Variants in PAX3 observed in about 807,000 individuals in gnomAD.
PAX3 encodes the protein paired box 3, also known as paired box protein Pax-3.
Under a neutral mutation model 51.6 loss-of-function variants are expected in PAX3, and 14 were observed. The ratio of observed to expected loss-of-function variants is 0.27; its 90% CI spans 0.18 to 0.42. The LOEUF is 0.42. Among genes scored for constraint, PAX3 ranks in the 10% least tolerant of loss-of-function variants. PAX3 has a pLI of 1.00. For missense variants in PAX3, 540 were observed against 642.8 expected (o/e 0.84, Z 1.73); for synonymous variants, 280 against 253.4 (o/e 1.11, Z -1.00).
chr2:222,219,673 C>T (rs1692107100), intron 7 of PAX3, among the ~76,000 whole-genome samples: 1 of 152,162 alleles, frequency 6.6e-6, no homozygotes, highest in East Asian at 1.9e-4. Context: ...TGTTTGCTTC[C>T]TCTCTGATTG....
Position 222,202,166 on chromosome 2 carries a change from C to T in PAX3, c.1198G>A (p.Gly400Ser), listed in dbSNP as rs752573217. 10 of 1,603,134 alleles carry T rather than the reference C, an allele frequency of 6.2e-6. No homozygotes were observed. Among genetic ancestry groups the T allele is most frequent in the African/African-American group, 2.7e-5 (2 of 74,640 alleles). The part of the protein sequence containing the change: ...PQVMGLLTNH[G>S]GVPHQPQTDY... ...GTCTGGGGCTGATGAGGTACCCCAC[C>T]GTGGTTGGTCAGGAGTCCCATTACC... The change falls in exon 8 of 9, where the codon GGT becomes AGT. Residue 400 changes from glycine (G) to serine (S), a missense_variant. By Grantham distance (56) the Gly-to-Ser change is moderately conservative. Coordinates refer to ENST00000392070, the MANE Select transcript of PAX3 (RefSeq NM_181458.4).
chr2:222,288,602 G>A (rs1163959372), intron 4 of PAX3, among the ~76,000 whole-genome samples: 1 of 152,078 alleles, frequency 6.6e-6, no homozygotes, highest in Non-Finnish European at 1.5e-5. Flanking sequence ...GGAAACTTTT[G>A]TATTTAGAAA....
chr2:222,231,620 G>A (rs1692598866), intron 5 of PAX3, among the ~76,000 whole-genome samples: 1 of 152,188 alleles, frequency 6.6e-6, no homozygotes, highest in Non-Finnish European at 1.5e-5. Context: ...GACTCACTTT[G>A]CAGCTATGCC....
chr2:222,222,443 G>T (rs909623291), intron 5 of PAX3, among the ~76,000 whole-genome samples: 2 of 147,226 alleles, frequency 1.4e-5, no homozygotes, highest in East Asian at 3.9e-4. Context: ...TTGCTCTGTC[G>T]CCCAGTCTGG....
At chr2:222,263,995 A>G (rs568811391) in intron 4 of PAX3, 6 of 152,298 alleles carry the variant, frequency 3.9e-5, no homozygotes, top group Non-Finnish European at 7.4e-5. Context: ...AGAGAATACA[A>G]TTTCAAAGCG....
At chr2:222,286,228 G>A (rs756811774) in intron 4 of PAX3, among the ~76,000 whole-genome samples, 5 of 152,326 alleles carry the variant, frequency 3.3e-5, no homozygotes, top group South Asian at 2.1e-4. Flanking sequence ...GTGAGCCACC[G>A]CGCCAGGCGG....
chr2:222,247,301 A>T (rs998524526), intron 4 of PAX3, among the ~76,000 whole-genome samples: 2 of 152,174 alleles, frequency 1.3e-5, no homozygotes, highest in East Asian at 3.8e-4. Context: ...AGAGAAGAAA[A>T]CCAGTGGAAG....
Position 222,208,063 on chromosome 2 carries a change from C to T in PAX3, c.1174-5873G>A, listed in dbSNP as rs997863531. Among the ~76,000 whole-genome samples the T allele has an allele frequency of 9.2e-5, 14 of 151,686 alleles. No individual in the cohort carries two copies. The South Asian group carries it at 1.5e-3, about 16-fold the overall frequency. ...TAGCCAGTGATGAATGACCATATCA[C>T]GTCCATCTATTATCAGTAAAGCCCA... On this transcript the variant is annotated intron_variant, in intron 7 of 8. Coordinates refer to ENST00000392070, the MANE Select transcript of PAX3 (RefSeq NM_181458.4).
chr2:222,250,694 A>T (rs1448352152), intron 4 of PAX3, among the ~76,000 whole-genome samples: 1 of 152,196 alleles, frequency 6.6e-6, no homozygotes, highest in Admixed American at 6.5e-5. Context: ...ATACTATCTT[A>T]TATTTCTCCT....
At chr2:222,234,197 T>A (rs1006047229) in intron 4 of PAX3, among the ~76,000 whole-genome samples, 9 of 152,188 alleles carry the variant, frequency 5.9e-5, no homozygotes, top group African/African-American at 1.7e-4. Flanking sequence ...ATAATTTTTT[T>A]AAATATACCT....
chr2:222,238,117 G>A (rs905262331), intron 4 of PAX3, among the ~76,000 whole-genome samples: 7 of 152,078 alleles, frequency 4.6e-5, no homozygotes, highest in Admixed American at 2.0e-4. Context: ...AAGAAAGAAA[G>A]GATCAAGCAC....
chr2:222,298,258 C>G, intron 1 of PAX3: 1 of 507,430 alleles, frequency 2.0e-6, no homozygotes, highest in South Asian at 2.8e-5. Flanking sequence ...TCCTTCTCCA[C>G]CGCGGCATTT....
intron 7 of PAX3, among the ~76,000 whole-genome samples, chr2:222,209,280 T>C (rs1374061338): frequency 2.6e-5 from 4 of 152,182 alleles, no homozygotes; most frequent in Non-Finnish European, 5.9e-5. Flanking sequence ...TAGCATAAGA[T>C]TGCATCTATG....
At chr2:222,254,741 A>C (rs984825816) in intron 4 of PAX3, among the ~76,000 whole-genome samples, 42 of 152,040 alleles carry the variant, frequency 2.8e-4, no homozygotes, top group Middle Eastern at 3.4e-3. Flanking sequence ...TTTATCATAG[A>C]CTCTCATATA....
chr2:222,213,817 G>A (rs142423686), intron 7 of PAX3, among the ~76,000 whole-genome samples: 4 of 152,288 alleles, frequency 2.6e-5, no homozygotes, highest in South Asian at 2.1e-4. Context: ...TGTGTGAAAC[G>A]AATGCCTTAT....
At chr2:222,239,752 T>A (rs1206554510) in intron 4 of PAX3, among the ~76,000 whole-genome samples, 1 of 151,588 alleles carries the variant, frequency 6.6e-6, no homozygotes, top group Non-Finnish European at 1.5e-5. Flanking sequence ...GGTAAAGGGG[T>A]CTCATTTTGT....
At chr2:222,231,078 A>G (rs1052441283) in intron 5 of PAX3, among the ~76,000 whole-genome samples, 3 of 152,112 alleles carry the variant, frequency 2.0e-5, no homozygotes, top group African/African-American at 7.2e-5. Context: ...GAAGAAAACA[A>G]TCTCTCTGAC....
intron 7 of PAX3, among the ~76,000 whole-genome samples, chr2:222,205,435 G>A (rs1366179197): frequency 1.3e-5 from 2 of 152,058 alleles, no homozygotes; most frequent in African/African-American, 2.4e-5. Flanking sequence ...AGAGCATAGA[G>A]GGGACCAGAG....
intron 3 of PAX3, among the ~76,000 whole-genome samples, chr2:222,295,171 G>C (rs539701664): frequency 6.6e-6 from 1 of 152,120 alleles, no homozygotes; most frequent in African/African-American, 2.4e-5. Flanking sequence ...CTCCCGGCGC[G>C]GGCCCCATCT....
Sources: gnomAD v4.1 joint callset for allele counts (sites outside exome capture counted in the v4.1 genomes callset) on GRCh38, gnomAD v4.1.1 for gene constraint, MANE v1.5 for transcripts, NCBI Gene and HGNC (gene_info 2026-07-23, HGNC 2026-07-21) for gene names.